The following IPP variants were observed in gnomAD, a reference collection of about 807,000 sequenced individuals.
IPP encodes intracisternal A particle-promoted polypeptide.
IPP carries 41 observed loss-of-function variants against 64.1 expected under a neutral mutation model. That is an observed-to-expected ratio of 0.64 (90% confidence interval 0.50 to 0.83). The LOEUF is 0.83. Ranked by LOEUF, IPP falls within the 40% of genes least tolerant of loss-of-function variation. IPP has a pLI of 0.00. For synonymous variants in IPP, 214 were observed against 235.2 expected (o/e 0.91, Z 0.83); for missense variants, 649 against 703.0 (o/e 0.92, Z 0.87).
intron 3 of IPP, among the ~76,000 whole-genome samples, chr1:45,737,763 A>G (rs895860788): frequency 5.9e-5 from 9 of 152,204 alleles, no homozygotes; most frequent in Middle Eastern, 6.8e-3. Context: ...CCTGGCCCAG[A>G]AATACACAGT....
At chr1:45,724,676 G>C (rs1474459233) in intron 5 of IPP, among the ~76,000 whole-genome samples, 2 of 150,270 alleles carry the variant, frequency 1.3e-5, no homozygotes, top group Non-Finnish European at 3.0e-5. Flanking sequence ...CCGCAACCCT[G>C]TCTGGGAGGT....
chr1:45,706,436 G>A (rs1038702276), intron 8 of IPP, among the ~76,000 whole-genome samples: 1 of 151,950 alleles, frequency 6.6e-6, no homozygotes, highest in African/African-American at 2.4e-5. Context: ...TCTCATCTCT[G>A]AAAAAAATTT....
chr1:45,712,525 C>T (rs1361506925), intron 8 of IPP, among the ~76,000 whole-genome samples: 1 of 151,694 alleles, frequency 6.6e-6, no homozygotes, highest in African/African-American at 2.4e-5. Flanking sequence ...GTTCTTACAA[C>T]CCATTAGTCA....
At chr1:45,746,000 T>C in intron 2 of IPP, 120 bp downstream of exon 2, 2 of 799,350 alleles carry the variant, frequency 2.5e-6, no homozygotes, top group East Asian at 2.6e-5. Flanking sequence ...GAATTTTCAG[T>C]CACATAATAA....
intron 8 of IPP, among the ~76,000 whole-genome samples, chr1:45,706,175 C>A (rs1451963675): frequency 6.6e-6 from 1 of 152,060 alleles, no homozygotes; most frequent in East Asian, 1.9e-4. Context: ...GAGTTCTGAC[C>A]AACCAAAGTG....
chr1:45,749,051 T>C (rs988743397), intron 1 of IPP, among the ~76,000 whole-genome samples: 1 of 152,158 alleles, frequency 6.6e-6, no homozygotes, highest in Non-Finnish European at 1.5e-5. Flanking sequence ...CTGGAACTAT[T>C]ATCAACATGA....
chr1:45,743,220 G>T (rs1365543227), intron 2 of IPP, among the ~76,000 whole-genome samples: 2 of 151,242 alleles, frequency 1.3e-5, no homozygotes, highest in African/African-American at 2.4e-5. Context: ...TTACAGGCGT[G>T]AGCCACCACA....
At chr1:45,747,105 TGCGCGCGCACACGAGCGCGCGC>T (rs563728232) in intron 1 of IPP, among the ~76,000 whole-genome samples, 11 of 148,956 alleles carry the variant, frequency 7.4e-5, no homozygotes, top group East Asian at 4.2e-4. Context: ...AGTGCGCGCA[TGCGCGCGCACACGAGCGCGCGC>T]GCGCGCTTCA....
chr1:45,727,852 AT>A, intron 4 of IPP, 54 bp from the exon 5 acceptor site: 1 of 1,273,634 alleles, frequency 7.9e-7, no homozygotes, highest in South Asian at 1.9e-5. Flanking sequence ...ACATCTAAAC[AT>A]TTAGTATAAC....
chr1:45,694,892 A>G (rs1170234294), downstream of IPP: 1 of 157,706 alleles, frequency 6.3e-6, no homozygotes, highest in African/African-American at 2.4e-5. Context: ...CTAGTTCTAC[A>G]TCTTTTTTTT....
intron 3 of IPP, among the ~76,000 whole-genome samples, chr1:45,736,962 G>A (rs981911369): frequency 1.4e-5 from 2 of 145,888 alleles, no homozygotes; most frequent in South Asian, 2.2e-4. Flanking sequence ...AGAACGGCAT[G>A]AACCCGGGAG....
intron 7 of IPP, among the ~76,000 whole-genome samples, chr1:45,716,316 C>T (rs1039554540): frequency 6.6e-6 from 1 of 152,208 alleles, no homozygotes; most frequent in African/African-American, 2.4e-5. Flanking sequence ...CACCATCTCG[C>T]TCACTGCAAC....
intron 5 of IPP, among the ~76,000 whole-genome samples, chr1:45,722,950 G>A (rs1274163103): frequency 1.3e-5 from 2 of 152,174 alleles, no homozygotes; most frequent in Non-Finnish European, 2.9e-5. Context: ...GTAGATTAGC[G>A]GTTACTAGGG....
chr1:45,716,999 T>G lies in IPP; in HGVS notation c.1205A>C (p.Glu402Ala). Residue 402 changes from glutamate (E) to alanine (A), a missense_variant, in exon 7 of 9, where the codon GAG (glutamate) becomes GCG (alanine). Physicochemically the swap from Glu to Ala is moderately radical, Grantham distance 107. Transcript: ENST00000396478. ...AAATCGTTCAATGGTGTTCCCTATCTCAGCTCCAACCCATCCACCTGTAAT... is the reference window on the plus strand; with the variant it reads ...AAATCGTTCAATGGTGTTCCCTATCGCAGCTCCAACCCATCCACCTGTAAT... ...IYALGGWVGA[E>A]IGNTIERFDP... 6.2e-7 allele frequency: 1 copy of G among 1,613,074 alleles called. No homozygotes were observed. The highest frequency in any genetic ancestry group is 8.5e-7 in the Non-Finnish European group (1 of 1,179,602).
chr1:45,745,213 G>A (rs1368834588), intron 2 of IPP, among the ~76,000 whole-genome samples: 1 of 152,068 alleles, frequency 6.6e-6, no homozygotes, highest in Non-Finnish European at 1.5e-5. Context: ...ATTCTCTAAT[G>A]TTATTAAAAC....
chr1:45,739,776 C>A (rs1646034728), intron 3 of IPP, among the ~76,000 whole-genome samples: 1 of 149,442 alleles, frequency 6.7e-6, no homozygotes, highest in African/African-American at 2.5e-5. Context: ...TATGCATTTT[C>A]TCCAAGTGTT....
intron 1 of IPP, among the ~76,000 whole-genome samples, chr1:45,749,500 T>G (rs1273988139): frequency 1.3e-5 from 2 of 149,170 alleles, no homozygotes; most frequent in African/African-American, 2.5e-5. Flanking sequence ...TTTTGTTTTT[T>G]TTTTTTGTTT....
intron 2 of IPP, among the ~76,000 whole-genome samples, chr1:45,744,472 C>T (rs1418408246): frequency 6.6e-6 from 1 of 152,070 alleles, no homozygotes; most frequent in African/African-American, 2.4e-5. Context: ...CAGCCTCAAA[C>T]TCCTGGATCC....
intron 3 of IPP, among the ~76,000 whole-genome samples, chr1:45,739,824 CTT>C (rs552340899): frequency 1.3e-3 from 167 of 127,942 alleles, no homozygotes; most frequent in African/African-American, 3.0e-3. Flanking sequence ...AAGAGGAAAT[CTT>C]TTTTTTTTTT....
Sources: allele counts gnomAD v4.1 joint callset (sites outside exome capture counted in the v4.1 genomes callset), GRCh38; gene constraint gnomAD v4.1.1; transcripts MANE v1.5; gene names NCBI Gene and HGNC (gene_info 2026-07-23, HGNC 2026-07-21).